Variants in GATA5 observed in about 807,000 individuals in gnomAD.
The protein encoded by GATA5 is GATA binding protein 5.
Under a neutral mutation model 35.0 loss-of-function variants are expected in GATA5, and 27 were observed. The observed-to-expected ratio is 0.77, with a 90% CI of 0.57 to 1.06. The LOEUF is 1.06. GATA5 is among the 50% of genes least tolerant of loss of function. The pLI is 0.00. For missense variants in GATA5, 612 were observed against 580.0 expected, an observed-to-expected ratio of 1.06 and a Z score of -0.57; for synonymous variants, 306 against 267.8, an observed-to-expected ratio of 1.14 and a Z score of -1.39.
chr20:62,475,025 C>T lies in GATA5; in HGVS notation c.497G>A (p.Gly166Asp), dbSNP rs1251505742. Residue 166 changes from glycine (G) to aspartate (D), a missense_variant, in exon 2 of 7, where the codon GGC (glycine) becomes GAC (aspartate). Physicochemically the swap from Gly to Asp is moderately conservative, Grantham distance 94 (BLOSUM62 -1). Transcript: ENST00000252997. ...GAAGGTGGGCCTGCGGCCTGGGAGG[C>T]CGTGCAGGACGCTGCCATCGAAGGG... ...AGPFDGSVLH[G>D]LPGRRPTFVS... is the part of the protein sequence containing the mutation. 6 of 1,374,200 alleles carry T rather than the reference C, an allele frequency of 4.4e-6. No individual in the cohort carries two copies. Among genetic ancestry groups the T allele is most frequent in the South Asian group, 1.6e-5 (1 of 61,114 alleles). 85.1% of individuals were successfully genotyped at this position (1,374,200 alleles called of 1,614,324 possible).
chr20:62,466,075 G>C (rs1422245529), intron 4 of GATA5, among the ~76,000 whole-genome samples, 154 bp from the exon 5 acceptor site: 24 of 152,210 alleles, frequency 1.6e-4, no homozygotes, highest in African/African-American at 5.3e-4. Flanking sequence ...GCTGGGCTGG[G>C]TGAGGGGGAG....
chr20:62,473,273 G>C (rs1989765183), intron 3 of GATA5, 130 bp downstream of exon 3: 3 of 997,688 alleles, frequency 3.0e-6, no homozygotes, highest in Non-Finnish European at 4.4e-6. Flanking sequence ...ACCGGGGCGG[G>C]CACCCAGGCT....
At position 62,475,488 on chromosome 20, in the gene GATA5, G is replaced by T. The variant is rs1989837869; in HGVS notation, c.34C>A (p.Arg12Ser). Reference sequence around the variant, plus strand: ...CCCGAGTCGGCGTAGGCGGCCTGGCGGGGGCTCGCGGCCAGCGCCAGGCTC... The same window carrying T: ...CCCGAGTCGGCGTAGGCGGCCTGGCTGGGGCTCGCGGCCAGCGCCAGGCTC... ...YQSLALAASP[R>S]QAAYADSGSF... is the part of the protein sequence containing the mutation. The change falls in exon 2 of 7, where the codon CGC (arginine) becomes AGC (serine). Residue 12 changes from arginine (R) to serine (S), a missense_variant. Transcript: ENST00000252997. The T allele has an allele frequency of 3.0e-6, 4 of 1,321,352 alleles. No homozygotes were observed. Among genetic ancestry groups the T allele is most frequent in the Non-Finnish European group, 3.9e-6 (4 of 1,038,124 alleles). The allele number at this position is 1,321,352 out of a possible 1,614,324, so 81.9% of individuals were successfully genotyped here. A position where few individuals can be genotyped will look rare whatever the true frequency, so the allele number is the denominator to read the frequency against.
At chr20:62,471,432 A>ATTTTTTTTTTTTTTT (rs574764628) in intron 3 of GATA5, among the ~76,000 whole-genome samples, 4,724 of 80,954 alleles carry the variant, frequency 0.058, 1,017 homozygotes, top group Non-Finnish European at 0.077. Flanking sequence ...TTCAATTACA[A>ATTTTTTTTTTTTTTT]TTTTTTTTTT....
chr20:62,468,852 C>A (rs1555896319), intron 3 of GATA5, among the ~76,000 whole-genome samples: 3 of 152,218 alleles, frequency 2.0e-5, no homozygotes, highest in Non-Finnish European at 4.4e-5. Context: ...TGGTGCCTGG[C>A]CCCGGCTGGA....
At chr20:62,466,884 G>A (rs1012023629) in intron 3 of GATA5, among the ~76,000 whole-genome samples, 3 of 152,210 alleles carry the variant, frequency 2.0e-5, no homozygotes, top group Non-Finnish European at 2.9e-5. Context: ...CCAACCCTGC[G>A]CCTGGACCCC....
intron 2 of GATA5, 74 bp downstream of exon 2, chr20:62,474,925 G>A (rs1165436938): frequency 2.5e-6 from 3 of 1,205,776 alleles, no homozygotes; most frequent in East Asian, 3.2e-5. Flanking sequence ...TGAGGGGAGC[G>A]TTTCGCAGGG....
chr20:62,471,215 C>T (rs1357442370), intron 3 of GATA5, among the ~76,000 whole-genome samples: 2 of 151,980 alleles, frequency 1.3e-5, no homozygotes, highest in Non-Finnish European at 2.9e-5. Flanking sequence ...CTCCTCCTGA[C>T]ACCAGAGTGT....
Position 62,470,175 on chromosome 20 carries a change from T to G in GATA5, c.699+3228A>C, listed in dbSNP as rs1395286437. 6.6e-6 allele frequency among the ~76,000 whole-genome samples: 1 copy of G among 152,216 alleles called. No homozygotes were observed. The highest frequency in any genetic ancestry group is 6.5e-5 in the Admixed American group (1 of 15,286). On this transcript the variant is annotated intron_variant, in intron 3 of 6. Coordinates refer to ENST00000252997, the MANE Select transcript of GATA5 (RefSeq NM_080473.5). The surrounding 1 kb of genome is among the most constrained non-coding windows in gnomAD (Gnocchi z 4.6). Reference sequence around the variant, plus strand: ...TGAGACATCCAAATAAATCAGGCTCTGGGCAGGGCAGGGCCCGGGCCGGTG... The same window carrying G: ...TGAGACATCCAAATAAATCAGGCTCGGGGCAGGGCAGGGCCCGGGCCGGTG...
rs1024729692 is a variant in GATA5 at position 62,470,537 on chromosome 20, C to T, written c.699+2866G>A. Among the ~76,000 whole-genome samples, 7 of 152,144 alleles carry T rather than the reference C, an allele frequency of 4.6e-5. No homozygotes were observed. Among genetic ancestry groups the T allele is most frequent in the Admixed American group, 1.3e-4 (2 of 15,276 alleles). On this transcript the variant is annotated intron_variant, in intron 3 of 6. Coordinates refer to ENST00000252997, the MANE Select transcript of GATA5 (RefSeq NM_080473.5). This position sits in a 1 kb window ranked among gnomAD's most constrained non-coding sequence, Gnocchi z 4.6. ...TGGGGACGTGGGTCTGTGAAGGGCT[C>T]GAAGGAAGGAAACCCTGGGGTTGGG... is the stretch of plus-strand genomic sequence containing the variant.
At chr20:62,471,379 T>A (rs1555896514) in intron 3 of GATA5, among the ~76,000 whole-genome samples, 5 of 150,378 alleles carry the variant, frequency 3.3e-5, no homozygotes, top group East Asian at 1.9e-4. Context: ...TAAAAAAAAA[T>A]TTAATTTAAC....
At chr20:62,469,955 C>T (rs782064752) in intron 3 of GATA5, among the ~76,000 whole-genome samples, 1 of 152,222 alleles carries the variant, frequency 6.6e-6, no homozygotes, top group Non-Finnish European at 1.5e-5. Context: ...CATACCGCGA[C>T]GATGCCTTCA....
rs1303316973 is a variant in GATA5, at chr20:62,475,435, G to C, written c.87C>G (p.Gly29=). The change falls in exon 2 of 7, where the codon GGC becomes GGG. Residue 29 remains glycine (G), a synonymous_variant. Coordinates refer to ENST00000252997, the MANE Select transcript of GATA5 (RefSeq NM_080473.5). ...SGSFLHAPGA[G]SPMFVPPARV... ...GCGCCGGCGGCACAAACATCGGAGAGCCGGCGCCCGGAGCGTGCAGGAAGG... is the reference window on the plus strand; with the variant it reads ...GCGCCGGCGGCACAAACATCGGAGACCCGGCGCCCGGAGCGTGCAGGAAGG... 5.9e-6 allele frequency: 8 copies of C among 1,359,970 alleles called. No individual in the cohort carries two copies. The highest frequency in any genetic ancestry group is 3.2e-5 in the Admixed American group (1 of 31,508). 84.2% of individuals were successfully genotyped at this position (1,359,970 alleles called of 1,614,324 possible).
Position 62,464,630 on chromosome 20 carries a change from C to A in GATA5, c.*206G>T. 1 of 461,082 alleles carries A rather than the reference C, an allele frequency of 2.2e-6. No homozygotes were observed. Among genetic ancestry groups the A allele is most frequent in the Non-Finnish European group, 3.8e-6 (1 of 265,430 alleles). 28.6% of individuals were successfully genotyped at this position (461,082 alleles called of 1,614,324 possible). A position where few individuals can be genotyped will look rare whatever the true frequency, so the allele number is the denominator to read the frequency against. ...CTGTACGTGGGGTGGGAAGCTGAGC[C>A]CTTCCCTCACCAGCCTTCTTGCTCT... On this transcript the variant is annotated 3_prime_UTR_variant, in exon 7 of 7. Transcript: ENST00000252997.
chr20:62,465,833 C>A lies in GATA5; in HGVS notation c.913+1G>T. The A allele has an allele frequency of 6.3e-7, 1 of 1,582,368 alleles. No homozygotes were observed. The highest frequency in any genetic ancestry group is 8.6e-7 in the Non-Finnish European group (1 of 1,163,624). On this transcript the variant is annotated splice_donor_variant, in intron 5 of 6. Transcript: ENST00000252997. LOFTEE classifies it high-confidence loss of function. The stretch of plus-strand genomic sequence containing the variant: ...GCTGACTGCAGGGCCTGGCCACGCA[C>A]CTGAGGAGCCCCTGGCCTTGGCGAT...
chr20:62,467,058 C>G (rs1270474362), intron 3 of GATA5, among the ~76,000 whole-genome samples: 2 of 152,228 alleles, frequency 1.3e-5, no homozygotes, highest in African/African-American at 4.8e-5. Context: ...TATGTCTCCC[C>G]ATTGCTGTGC....
chr20:62,466,821 G>T (rs575062686), intron 3 of GATA5, among the ~76,000 whole-genome samples: 1 of 152,236 alleles, frequency 6.6e-6, no homozygotes, highest in African/African-American at 2.4e-5. Context: ...TTCAGAGCCC[G>T]TGGGGGCCAG....
rs149640046 is a variant in GATA5 at position 62,470,940 on chromosome 20, C to T, written c.699+2463G>A. 5.9e-5 allele frequency among the ~76,000 whole-genome samples: 9 copies of T among 152,338 alleles called. No individual in the cohort carries two copies. In the East Asian group the frequency reaches 1.5e-3, roughly 26 times the overall value. On this transcript the variant is annotated intron_variant, in intron 3 of 6. Coordinates refer to ENST00000252997, the MANE Select transcript of GATA5 (RefSeq NM_080473.5). This position sits in a 1 kb window ranked among gnomAD's most constrained non-coding sequence, Gnocchi z 4.6. The stretch of plus-strand genomic sequence containing the variant: ...ACCCCAGACCAGGGAATGGAGGCCT[C>T]ATCACGCCAAGGGCCCCCATTAGCC...
intron 6 of GATA5, 127 bp downstream of exon 6, chr20:62,465,213 C>G (rs1307741218): frequency 3.6e-6 from 4 of 1,122,704 alleles, no homozygotes; most frequent in Non-Finnish European, 4.9e-6. Context: ...TACTGATGGC[C>G]GAAGGCAGCC....
Sources: gnomAD v4.1 joint callset for allele counts (sites outside exome capture counted in the v4.1 genomes callset) on GRCh38, gnomAD v4.1.1 for gene constraint, Gnocchi (gnomAD v3.1) non-coding constraint, MANE v1.5 for transcripts, NCBI Gene and HGNC (gene_info 2026-07-23, HGNC 2026-07-21) for gene names.